ADGRB3: variants seen among roughly 807,000 people sequenced by gnomAD.
ADGRB3 encodes adhesion G protein-coupled receptor B3.
Under a neutral mutation model 193.4 loss-of-function variants are expected in ADGRB3, and 37 were observed. That is an observed-to-expected ratio of 0.19 (90% confidence interval 0.15 to 0.25). The LOEUF is 0.25. Among genes scored for constraint, ADGRB3 ranks in the 10% least tolerant of loss-of-function variants. The pLI, the probability that ADGRB3 is intolerant of heterozygous loss-of-function variation, is 1.00. For synonymous variants in ADGRB3, 690 were observed against 644.2 expected (o/e 1.07, Z -1.08); for missense variants, 1,637 against 1,852.9 (o/e 0.88, Z 2.14).
intron 17 of ADGRB3, among the ~76,000 whole-genome samples, chr6:69,177,630 G>A (rs530004422): frequency 4.6e-5 from 7 of 152,282 alleles, no homozygotes; most frequent in African/African-American, 1.7e-4. Flanking sequence ...ACAGGTGTGA[G>A]CCACCACGCC....
At chr6:68,721,070 A>G (rs1396023698) in intron 3 of ADGRB3, among the ~76,000 whole-genome samples, 1 of 151,808 alleles carries the variant, frequency 6.6e-6, no homozygotes, top group East Asian at 2.0e-4. Flanking sequence ...CAGTGTGGCG[A>G]TTCCTCAGGG....
chr6:69,098,105 A>G (rs962892558), intron 17 of ADGRB3, among the ~76,000 whole-genome samples: 1 of 152,092 alleles, frequency 6.6e-6, no homozygotes, highest in Non-Finnish European at 1.5e-5. Context: ...CACACATAAA[A>G]CCAATTAAAA....
chr6:69,084,701 A>G (rs1772496306), intron 17 of ADGRB3, among the ~76,000 whole-genome samples: 1 of 152,202 alleles, frequency 6.6e-6, no homozygotes, highest in Admixed American at 6.5e-5. Flanking sequence ...ATTTTTAATT[A>G]GTAATATGAA....
intron 17 of ADGRB3, among the ~76,000 whole-genome samples, chr6:69,202,457 AAGAG>A (rs562098807): frequency 1.3e-5 from 2 of 151,708 alleles, no homozygotes; most frequent in South Asian, 4.1e-4. Flanking sequence ...CTCCACTTGA[AAGAG>A]AGAGAGAGAC....
chr6:69,097,651 T>C (rs1043252808), intron 17 of ADGRB3, among the ~76,000 whole-genome samples: 7 of 152,062 alleles, frequency 4.6e-5, no homozygotes, highest in African/African-American at 1.7e-4. Flanking sequence ...GAATATATAT[T>C]GAATATACAT....
At chr6:68,758,084 G>T (rs1766330302) in intron 3 of ADGRB3, among the ~76,000 whole-genome samples, 2 of 151,992 alleles carry the variant, frequency 1.3e-5, no homozygotes, top group South Asian at 4.1e-4. Context: ...GCCTCTGATA[G>T]GATATAACCT....
rs1562066651 is a variant in ADGRB3, at chr6:68,875,152, CCTTCCTT to C, written c.758-55405_758-55399del. 2.6e-3 allele frequency among the ~76,000 whole-genome samples: 77 copies of C among 29,790 alleles called. 4 individuals are homozygous for C. The highest frequency in any genetic ancestry group is 9.7e-3 in the African/African-American group (68 of 7,040). The allele number at this position is 29,790 out of a possible 152,430, so 19.5% of individuals were successfully genotyped here. A position where few individuals can be genotyped will look rare whatever the true frequency, so the allele number is the denominator to read the frequency against. On this transcript the variant is annotated intron_variant, in intron 3 of 31. Coordinates refer to ENST00000370598, the MANE Select transcript of ADGRB3 (RefSeq NM_001704.3). ...TTTCTTTCTTCTTTCATTTCTTTCT[CCTTCCTT>C]CCTTCCTTCCTTCCTTCCTTCCTTC...
Position 68,779,177 on chromosome 6 carries a change from G to T in ADGRB3, c.757+139745G>T, listed in dbSNP as rs528775873. Among the ~76,000 whole-genome samples, 11 of 151,812 alleles carry T rather than the reference G, an allele frequency of 7.2e-5. No individual in the cohort carries two copies. The South Asian group carries it at 8.3e-4, about 12-fold the overall frequency. ...GGCATGATACTGCCCATATATGGCTGCCTGGGCAACATTAAGTCTCCAGAC... is the reference window on the plus strand; with the variant it reads ...GGCATGATACTGCCCATATATGGCTTCCTGGGCAACATTAAGTCTCCAGAC... On this transcript the variant is annotated intron_variant, in intron 3 of 31. Coordinates refer to ENST00000370598, the MANE Select transcript of ADGRB3 (RefSeq NM_001704.3).
At chr6:68,887,983 C>T (rs948657439) in intron 3 of ADGRB3, among the ~76,000 whole-genome samples, 1 of 152,178 alleles carries the variant, frequency 6.6e-6, no homozygotes, top group Non-Finnish European at 1.5e-5. Context: ...CATATTGGTG[C>T]TCCTTTCCAA....
At chr6:68,707,131 G>C (rs1272864742) in intron 3 of ADGRB3, among the ~76,000 whole-genome samples, 1 of 135,282 alleles carries the variant, frequency 7.4e-6, no homozygotes, top group Non-Finnish European at 1.6e-5. Flanking sequence ...AAAAAAAAAA[G>C]ATTGTTTTGA....
chr6:68,814,104 T>C (rs1038625441), intron 3 of ADGRB3, among the ~76,000 whole-genome samples: 1 of 152,204 alleles, frequency 6.6e-6, no homozygotes, highest in Non-Finnish European at 1.5e-5. Context: ...ATGGTATTTC[T>C]ACTTCTAGAT....
At chr6:68,994,907 G>C (rs1455132930) in intron 11 of ADGRB3, among the ~76,000 whole-genome samples, 1 of 151,308 alleles carries the variant, frequency 6.6e-6, no homozygotes, top group Non-Finnish European at 1.5e-5. Context: ...GTTTTAATTA[G>C]CTATTGAAGG....
intron 20 of ADGRB3, among the ~76,000 whole-genome samples, chr6:69,251,223 G>A (rs781464356): frequency 9.2e-5 from 14 of 152,088 alleles, no homozygotes; most frequent in South Asian, 2.1e-4. Context: ...TCTTCTTCCA[G>A]CCTTGGGCTA....
At chr6:69,356,160 A>G (rs913966921) in intron 28 of ADGRB3, among the ~76,000 whole-genome samples, 2 of 152,148 alleles carry the variant, frequency 1.3e-5, no homozygotes, top group South Asian at 2.1e-4. Flanking sequence ...TTTATATACC[A>G]TAGGGAAAGG....
At chr6:68,763,610 T>G (rs1220387161) in intron 3 of ADGRB3, among the ~76,000 whole-genome samples, 2 of 152,230 alleles carry the variant, frequency 1.3e-5, no homozygotes, top group African/African-American at 2.4e-5. Flanking sequence ...AACTAGATGT[T>G]ATCAGAAGTG....
chr6:68,663,931 G>A (rs1461229463), intron 3 of ADGRB3, among the ~76,000 whole-genome samples: 1 of 151,782 alleles, frequency 6.6e-6, no homozygotes, highest in African/African-American at 2.4e-5. Flanking sequence ...AACATCTGCA[G>A]TGTGGTATTT....
Position 68,638,876 on chromosome 6 carries a change from T to C in ADGRB3, c.201T>C (p.Tyr67=), listed in dbSNP as rs1213082897. 9 of 1,614,020 alleles carry C rather than the reference T, an allele frequency of 5.6e-6. No homozygotes were observed. Among genetic ancestry groups the C allele is most frequent in the Middle Eastern group, 1.6e-4 (1 of 6,084 alleles). Residue 67 remains tyrosine, a synonymous_variant, in exon 3 of 32, where the codon TAT becomes TAC. Coordinates refer to ENST00000370598, the MANE Select transcript of ADGRB3 (RefSeq NM_001704.3). ...WTLENPDPTK[Y]SIYLKFSKKD... is the part of the protein sequence containing the mutation. The stretch of plus-strand genomic sequence containing the variant: ...TGGAAAATCCAGATCCAACCAAATA[T>C]AGCATTTACCTGAAATTTTCCAAAA...
chr6:69,148,778 A>G (rs531113948), intron 17 of ADGRB3, among the ~76,000 whole-genome samples: 1 of 152,200 alleles, frequency 6.6e-6, no homozygotes, highest in Admixed American at 6.5e-5. Flanking sequence ...TTTCTTCTTC[A>G]TGTTTGAAGG....
intron 11 of ADGRB3, among the ~76,000 whole-genome samples, chr6:68,999,910 T>A (rs904773516): frequency 1.4e-4 from 21 of 152,146 alleles, no homozygotes; most frequent in Admixed American, 2.0e-4. Context: ...GAACTTACAT[T>A]GTTTCACAAA....
Sources: gnomAD v4.1 joint callset for allele counts (sites outside exome capture counted in the v4.1 genomes callset) on GRCh38, gnomAD v4.1.1 for gene constraint, MANE v1.5 for transcripts, NCBI Gene and HGNC (gene_info 2026-07-23, HGNC 2026-07-21) for gene names.